Variants in PXT1 observed in about 807,000 individuals in gnomAD.
The protein encoded by PXT1 is peroxisomal testis-specific protein 1.
PXT1 carries 11 observed loss-of-function variants against 11.0 expected under a neutral mutation model. The ratio of observed to expected loss-of-function variants is 1.00; its 90% CI spans 0.63 to 1.66. The LOEUF is 1.66. Among genes scored for constraint, PXT1 ranks in the 40% most tolerant of loss-of-function variants. The probability of loss-of-function intolerance (pLI) is 0.00; values close to 1 mark genes in which losing one functional copy is unlikely to be tolerated. For synonymous variants in PXT1, 43 were observed against 51.4 expected (o/e 0.84, Z 0.70); for missense variants, 141 against 155.5 (o/e 0.91, Z 0.49).
At chr6:36,409,499 C>T (rs1409000215) in intron 3 of PXT1, among the ~76,000 whole-genome samples, 2 of 152,010 alleles carry the variant, frequency 1.3e-5, no homozygotes, top group African/African-American at 4.8e-5. Context: ...CTCACTGTAC[C>T]TAGCACAGAG....
chr6:36,396,326 TG>T (rs975831475), intron 4 of PXT1, among the ~76,000 whole-genome samples: 1 of 152,142 alleles, frequency 6.6e-6, no homozygotes, highest in African/African-American at 2.4e-5. Context: ...AGGAGCTCCC[TG>T]GGTGCCACTG....
chr6:36,432,803 T>A (rs1774711015), intron 2 of PXT1, among the ~76,000 whole-genome samples: 1 of 151,642 alleles, frequency 6.6e-6, no homozygotes, highest in South Asian at 2.1e-4. Context: ...ACTAAAGGAG[T>A]TACAGATAGG....
At chr6:36,403,442 C>G (rs1326540696) in intron 3 of PXT1, among the ~76,000 whole-genome samples, 1 of 152,142 alleles carries the variant, frequency 6.6e-6, no homozygotes, top group Non-Finnish European at 1.5e-5. Flanking sequence ...GAAAAAAACT[C>G]CCACTTTTCA....
intron 4 of PXT1, among the ~76,000 whole-genome samples, chr6:36,393,741 T>A (rs1453460992): frequency 7.6e-5 from 11 of 144,772 alleles, no homozygotes; most frequent in Admixed American, 7.6e-4. Flanking sequence ...AAAAAAAAAG[T>A]CACCTTCTCA....
intron 3 of PXT1, among the ~76,000 whole-genome samples, chr6:36,402,721 C>G (rs1250161605): frequency 2.0e-5 from 3 of 152,100 alleles, no homozygotes; most frequent in Non-Finnish European, 2.9e-5. Context: ...TATGCATAAA[C>G]TCTAAGCAGT....
chr6:36,405,112 T>C (rs1774269906), intron 3 of PXT1, among the ~76,000 whole-genome samples: 1 of 151,864 alleles, frequency 6.6e-6, no homozygotes, highest in African/African-American at 2.4e-5. Context: ...TGGAAAAGAG[T>C]GATATTGATG....
intron 3 of PXT1, among the ~76,000 whole-genome samples, chr6:36,411,783 T>C (rs1400710709): frequency 6.6e-6 from 1 of 151,200 alleles, no homozygotes; most frequent in Non-Finnish European, 1.5e-5. Context: ...CTCTACAAAA[T>C]AAAAACAAAC....
intron 3 of PXT1, among the ~76,000 whole-genome samples, chr6:36,401,615 CAAAA>C (rs140178346): frequency 1.3e-4 from 15 of 115,062 alleles, no homozygotes; most frequent in Non-Finnish European, 1.2e-4. Context: ...GACCCTGTCT[CAAAA>C]AAAAAAAAAA....
At chr6:36,428,845 G>A (rs1237051542) in intron 2 of PXT1, among the ~76,000 whole-genome samples, 2 of 151,864 alleles carry the variant, frequency 1.3e-5, no homozygotes, top group African/African-American at 2.4e-5. Context: ...TAGTAGAGAC[G>A]GGGTTTCACC....
intron 2 of PXT1, among the ~76,000 whole-genome samples, chr6:36,427,488 G>C (rs373080016): frequency 2.0e-5 from 3 of 152,108 alleles, no homozygotes; most frequent in African/African-American, 7.2e-5. Context: ...TGGACTTCAG[G>C]AGCCTTACAT....
At chr6:36,433,201 A>G (rs1774717077) in intron 2 of PXT1, among the ~76,000 whole-genome samples, 1 of 152,210 alleles carries the variant, frequency 6.6e-6, no homozygotes, top group Non-Finnish European at 1.5e-5. Flanking sequence ...TGCAGGGAGC[A>G]TAAAAATACT....
At chr6:36,401,615 C>CAAA (rs140178346) in intron 3 of PXT1, among the ~76,000 whole-genome samples, 10 of 115,064 alleles carry the variant, frequency 8.7e-5, no homozygotes, top group South Asian at 2.8e-4. Flanking sequence ...GACCCTGTCT[C>CAAA]AAAAAAAAAA....
intron 3 of PXT1, among the ~76,000 whole-genome samples, chr6:36,419,362 A>G (rs1774492394): frequency 1.3e-5 from 2 of 152,212 alleles, no homozygotes; most frequent in East Asian, 3.8e-4. Flanking sequence ...AAAGTGAAAT[A>G]CAAGTTGGGT....
At position 36,391,586 on chromosome 6, in the gene PXT1, C is replaced by G; in HGVS notation, c.*184G>C. 1 of 617,418 alleles carries G rather than the reference C, an allele frequency of 1.6e-6. No individual in the cohort carries two copies. The highest frequency in any genetic ancestry group is 2.9e-6 in the Non-Finnish European group (1 of 345,112). The allele number at this position is 617,418 out of a possible 1,614,324, so 38.2% of individuals were successfully genotyped here. On this transcript the variant is annotated 3_prime_UTR_variant, in exon 5 of 5. Coordinates refer to ENST00000454782, the MANE Select transcript of PXT1 (RefSeq NM_152990.4). ...GATCGCAGACATCTCATAGCTAGCT[C>G]CTCCGAAGAGACAAATGGCTCGTGA...
At chr6:36,435,221 T>C (rs2127418758) in intron 2 of PXT1, among the ~76,000 whole-genome samples, 1 of 152,298 alleles carries the variant, frequency 6.6e-6, no homozygotes, top group East Asian at 1.9e-4. Flanking sequence ...GGAAGATTGC[T>C]TCAGCCCAGA....
Position 36,391,538 on chromosome 6 carries a change from C to T in PXT1, c.*232G>A. ...GCAAGGCTTCCTGGGGTCCTAATTA[C>T]TCCTTGGGCTTTACCGTGATGTGAT... On this transcript the variant is annotated 3_prime_UTR_variant, in exon 5 of 5. Coordinates refer to ENST00000454782, the MANE Select transcript of PXT1 (RefSeq NM_152990.4). The T allele has an allele frequency of 1.9e-6, 1 of 517,932 alleles. No homozygotes were observed. The highest frequency in any genetic ancestry group is 2.3e-5 in the South Asian group (1 of 43,842). 32.1% of individuals were successfully genotyped at this position (517,932 alleles called of 1,614,324 possible).
chr6:36,393,737 A>G (rs1665056961), intron 4 of PXT1, among the ~76,000 whole-genome samples: 1 of 151,800 alleles, frequency 6.6e-6, no homozygotes, highest in African/African-American at 2.4e-5. Context: ...AAAAAAAAAA[A>G]AAGTCACCTT....
chr6:36,406,695 T>C (rs765833527), intron 3 of PXT1, among the ~76,000 whole-genome samples: 7 of 151,562 alleles, frequency 4.6e-5, no homozygotes, highest in Non-Finnish European at 1.0e-4. Context: ...TCTGTAATCC[T>C]AGTTACTTGG....
intron 3 of PXT1, among the ~76,000 whole-genome samples, chr6:36,414,136 T>C (rs1287208757): frequency 2.0e-5 from 3 of 149,246 alleles, no homozygotes; most frequent in Non-Finnish European, 4.5e-5. Context: ...TAAAACACAA[T>C]AAATAGAGTA....
Sources: allele counts gnomAD v4.1 joint callset (sites outside exome capture counted in the v4.1 genomes callset), GRCh38; gene constraint gnomAD v4.1.1; transcripts MANE v1.5; gene names NCBI Gene and HGNC (gene_info 2026-07-23, HGNC 2026-07-21).